The following COL25A1 variants were observed in gnomAD, a reference collection of about 807,000 sequenced individuals.
The protein encoded by COL25A1 is collagen type XXV alpha 1 chain, also known as collagen alpha-1(XXV) chain.
COL25A1 carries 103 observed loss-of-function variants against 128.4 expected under a neutral mutation model. That is an observed-to-expected ratio of 0.80 (90% CI 0.68 to 0.94). The LOEUF (loss-of-function observed/expected upper bound fraction) is 0.94, where lower values mean the gene tolerates loss of function less well. Among genes scored for constraint, COL25A1 ranks in the 40% least tolerant of loss-of-function variants. COL25A1 has a pLI of 0.00. For missense variants in COL25A1, 745 were observed against 840.0 expected (o/e 0.89, Z 1.40); for synonymous variants, 279 against 277.2 (o/e 1.01, Z -0.06).
intron 3 of COL25A1, among the ~76,000 whole-genome samples, chr4:109,073,912 A>T (rs1265234988): frequency 6.6e-6 from 1 of 152,206 alleles, no homozygotes; most frequent in Non-Finnish European, 1.5e-5. Flanking sequence ...AACAAAAACA[A>T]TGTCCTTTTG....
At chr4:108,926,308 CTCTGAGAGCTGCTGGTCA>C (rs1040765708) in intron 11 of COL25A1, among the ~76,000 whole-genome samples, 2 of 152,112 alleles carry the variant, frequency 1.3e-5, no homozygotes, top group African/African-American at 2.4e-5. Flanking sequence ...AAATTTGAAG[CTCTGAGAGCTGCTGGTCA>C]TTTCTGGACA....
Position 108,886,492 on chromosome 4 carries a change from G to GTTTTTTTT in COL25A1, c.976-2271_976-2270insAAAAAAAA, listed in dbSNP as rs535762905. Reference sequence around the variant, plus strand: ...TGTGTGTGTGTGTGTGTGTGTGTGTGTTTAGCTCATCAGCTATTTTATGTG... The same window carrying GTTTTTTTT: ...TGTGTGTGTGTGTGTGTGTGTGTGTGTTTTTTTTTTTAGCTCATCAGCTATTTTATGTG... On this transcript the variant is annotated intron_variant, in intron 18 of 37. Transcript: ENST00000399132. Among the ~76,000 whole-genome samples the GTTTTTTTT allele has an allele frequency of 9.7e-4, 106 of 109,274 alleles. 3 individuals are homozygous for GTTTTTTTT. Among genetic ancestry groups the GTTTTTTTT allele is most frequent in the Admixed American group, 4.2e-3 (47 of 11,128 alleles). The allele number at this position is 109,274 out of a possible 152,430, so 71.7% of individuals were successfully genotyped here. A position where few individuals can be genotyped will look rare whatever the true frequency, so the allele number is the denominator to read the frequency against.
At chr4:109,148,777 G>C (rs996022724) in intron 3 of COL25A1, among the ~76,000 whole-genome samples, 24 of 152,130 alleles carry the variant, frequency 1.6e-4, no homozygotes, top group Non-Finnish European at 8.8e-5. Flanking sequence ...CCTCCGGCCA[G>C]TTTCCCCTGC....
At chr4:109,043,543 T>C (rs1560587654) in intron 5 of COL25A1, among the ~76,000 whole-genome samples, 1 of 151,562 alleles carries the variant, frequency 6.6e-6, no homozygotes, top group Non-Finnish European at 1.5e-5. Flanking sequence ...CAGTCAAGCA[T>C]AATCATAGGG....
At chr4:109,154,707 T>C (rs1360329403) in intron 3 of COL25A1, among the ~76,000 whole-genome samples, 3 of 152,178 alleles carry the variant, frequency 2.0e-5, no homozygotes, top group East Asian at 1.9e-4. Flanking sequence ...AAATAAGAAA[T>C]TGAAATCCTT....
chr4:108,980,886 C>A (rs1310921795), intron 6 of COL25A1, among the ~76,000 whole-genome samples: 1 of 152,226 alleles, frequency 6.6e-6, no homozygotes, highest in African/African-American at 2.4e-5. Context: ...TTCTGATGTG[C>A]TCAGGCACAA....
intron 3 of COL25A1, among the ~76,000 whole-genome samples, chr4:109,197,639 T>C (rs994416949): frequency 2.0e-5 from 3 of 149,946 alleles, no homozygotes; most frequent in Non-Finnish European, 4.4e-5. Context: ...GCCTGTAACT[T>C]ATTTTCATAG....
At chr4:108,942,749 CTTTT>C (rs746618908) in intron 8 of COL25A1, among the ~76,000 whole-genome samples, 1 of 69,958 alleles carries the variant, frequency 1.4e-5, no homozygotes, top group Non-Finnish European at 2.7e-5. Context: ...CACATCTGGA[CTTTT>C]TTTTTTTTTT....
At chr4:109,088,577 C>T (rs1164411960) in intron 3 of COL25A1, among the ~76,000 whole-genome samples, 1 of 152,168 alleles carries the variant, frequency 6.6e-6, no homozygotes, top group East Asian at 1.9e-4. Flanking sequence ...TGAAGCTTAA[C>T]ACAGTGCCTA....
intron 35 of COL25A1, chr4:108,823,955 A>G (rs1396070734): frequency 1.4e-6 from 2 of 1,444,266 alleles, no homozygotes; most frequent in African/African-American, 1.5e-5. Context: ...ATCTGGTGAT[A>G]ATAATTTTTT....
intron 3 of COL25A1, among the ~76,000 whole-genome samples, chr4:109,218,360 T>TTTTTTTTGTTTGTTTGTTTG: frequency 8.6e-6 from 1 of 116,658 alleles, no homozygotes; most frequent in African/African-American, 4.1e-5. Flanking sequence ...TTTTGGGGTT[T>TTTTTTTTGTTTGTTTGTTTG]TTTTTTTTTT....
At chr4:108,988,032 T>TG (rs1419944593) in intron 6 of COL25A1, among the ~76,000 whole-genome samples, 3 of 152,180 alleles carry the variant, frequency 2.0e-5, no homozygotes, top group Non-Finnish European at 4.4e-5. Flanking sequence ...AAGAGGTACA[T>TG]GGGGAAACAT....
intron 3 of COL25A1, among the ~76,000 whole-genome samples, chr4:109,217,223 C>T (rs1778064978): frequency 1.3e-5 from 2 of 151,882 alleles, no homozygotes; most frequent in South Asian, 2.1e-4. Context: ...GGCAGATATG[C>T]AATTTGTTAC....
intron 28 of COL25A1, among the ~76,000 whole-genome samples, chr4:108,845,639 G>C (rs775642042): frequency 6.6e-6 from 1 of 152,046 alleles, no homozygotes; most frequent in Non-Finnish European, 1.5e-5. Flanking sequence ...AAAAGTCTAA[G>C]GCAGTGGAGT....
chr4:108,978,976 C>A (rs1287956049), intron 6 of COL25A1, among the ~76,000 whole-genome samples: 2 of 151,990 alleles, frequency 1.3e-5, no homozygotes, highest in African/African-American at 4.8e-5. Flanking sequence ...TGTAATTAAT[C>A]CTAAAGTTAA....
intron 3 of COL25A1, among the ~76,000 whole-genome samples, chr4:109,197,222 A>G (rs1776117530): frequency 6.7e-6 from 1 of 149,210 alleles, no homozygotes; most frequent in African/African-American, 2.5e-5. Flanking sequence ...GCTACTCAGA[A>G]GGCTGAGGCA....
chr4:108,815,530 G>A (rs1013740119), intron 37 of COL25A1, among the ~76,000 whole-genome samples: 4 of 151,830 alleles, frequency 2.6e-5, no homozygotes, highest in Admixed American at 6.6e-5. Flanking sequence ...GTGTTGGGTG[G>A]GTGTGGTAAA....
rs142062145 is a variant in COL25A1, at chr4:109,157,518, C to T, written c.368-107339G>A. Reference sequence around the variant, plus strand: ...ATTTCATAATTCCTCAAGGGAACCTCGAAGACAATATGTTCAATGTGTACA... The same window carrying T: ...ATTTCATAATTCCTCAAGGGAACCTTGAAGACAATATGTTCAATGTGTACA... On this transcript the variant is annotated intron_variant, in intron 3 of 37. Coordinates refer to ENST00000399132, the MANE Select transcript of COL25A1 (RefSeq NM_198721.4). 1.7e-3 allele frequency among the ~76,000 whole-genome samples: 255 copies of T among 152,144 alleles called. 3 individuals are homozygous for T. Among genetic ancestry groups the T allele is most frequent in the African/African-American group, 5.6e-3 (234 of 41,506 alleles).
intron 3 of COL25A1, among the ~76,000 whole-genome samples, chr4:109,061,924 T>C (rs955318302): frequency 2.0e-5 from 3 of 152,198 alleles, no homozygotes; most frequent in African/African-American, 7.2e-5. Context: ...CCAATGAAAC[T>C]ACAGACGGGC....
Sources: allele counts gnomAD v4.1 joint callset (sites outside exome capture counted in the v4.1 genomes callset), GRCh38; gene constraint gnomAD v4.1.1; transcripts MANE v1.5; gene names NCBI Gene and HGNC (gene_info 2026-07-23, HGNC 2026-07-21).